SLC16A14: variants seen among roughly 807,000 people sequenced by gnomAD.
SLC16A14 encodes solute carrier family 16 member 14.
A neutral mutation model predicts 35.8 loss-of-function variants in SLC16A14; 14 were observed. The ratio of observed to expected loss-of-function variants is 0.39; its 90% CI spans 0.26 to 0.61. SLC16A14 has a LOEUF of 0.61. Ranked by LOEUF, SLC16A14 falls within the 20% of genes least tolerant of loss-of-function variation. The pLI is 0.51. For missense variants in SLC16A14, 533 were observed against 655.0 expected, an observed-to-expected ratio of 0.81 and a Z score of 2.03; for synonymous variants, 248 against 258.9, an observed-to-expected ratio of 0.96 and a Z score of 0.40.
At chr2:230,056,601 C>T (rs538725972) in intron 2 of SLC16A14, among the ~76,000 whole-genome samples, 164 of 152,012 alleles carry the variant, frequency 1.1e-3, no homozygotes, top group Non-Finnish European at 2.0e-3. Context: ...GGTGGAGTGG[C>T]TCACACCTGT....
rs761004721 is a variant in SLC16A14, at chr2:230,046,692, G to A, written c.434C>T (p.Ala145Val). Residue 145 changes from alanine to valine, a missense_variant, in exon 4 of 5, where the codon GCG becomes GTG. Coordinates refer to ENST00000295190, the MANE Select transcript of SLC16A14 (RefSeq NM_152527.5). This position sits in a 1 kb window ranked among gnomAD's most constrained non-coding sequence, Gnocchi z 5.0. ...GLGSGMAYLP[A>V]VVMVGRYFQK... ...GAAATACCTGCCCACCATGACCACC[G>A]CTGGCAGGTAGGCCATCCCGCTGCC... The A allele has an allele frequency of 1.9e-6, 3 of 1,600,732 alleles. No homozygotes were observed. The South Asian group carries it at 3.3e-5, about 18-fold the overall frequency.
intron 2 of SLC16A14, among the ~76,000 whole-genome samples, chr2:230,051,811 G>A (rs999357240): frequency 1.3e-5 from 2 of 151,984 alleles, no homozygotes; most frequent in African/African-American, 4.8e-5. Context: ...TTGTCTAGTG[G>A]TTTTGTGGGT....
chr2:230,056,455 C>A (rs1488731834), intron 2 of SLC16A14, among the ~76,000 whole-genome samples: 1 of 151,992 alleles, frequency 6.6e-6, no homozygotes, highest in Non-Finnish European at 1.5e-5. Context: ...AGGGTTTCAC[C>A]ATGTTGGCCA....
chr2:230,062,215 G>A (rs190844838), intron 1 of SLC16A14, among the ~76,000 whole-genome samples: 47 of 152,180 alleles, frequency 3.1e-4, no homozygotes, highest in Non-Finnish European at 5.7e-4. Context: ...AAGAAGTCTC[G>A]AATTGTAGAG....
chr2:230,044,704 TTGTG>T (rs751868776), intron 4 of SLC16A14, among the ~76,000 whole-genome samples: 535 of 132,540 alleles, frequency 4.0e-3, no homozygotes, highest in Admixed American at 0.011. Flanking sequence ...AAGTCTGTAT[TTGTG>T]TGTGTGTGTG....
At chr2:230,044,639 C>G (rs72982525) in intron 4 of SLC16A14, among the ~76,000 whole-genome samples, 30,675 of 151,794 alleles carry the variant, frequency 0.2, 3,513 homozygotes, top group Non-Finnish European at 0.25. Flanking sequence ...CAAATTCCCC[C>G]CTAAAGCCTC....
rs2077538512 is a variant in SLC16A14 at position 230,038,930 on chromosome 2, AT to A, written c.1382-1400del. Among the ~76,000 whole-genome samples, 1 of 152,186 alleles carries A rather than the reference AT, an allele frequency of 6.6e-6. No individual in the cohort carries two copies. The highest frequency in any genetic ancestry group is 2.4e-5 in the African/African-American group (1 of 41,448). On this transcript the variant is annotated intron_variant, in intron 4 of 4. Coordinates refer to ENST00000295190, the MANE Select transcript of SLC16A14 (RefSeq NM_152527.5). The surrounding 1 kb of genome is among the most constrained non-coding windows in gnomAD (Gnocchi z 4.4). ...TCAAAAAATAAAATGAAATAAAAAAATAAGATTTTATGATCAAACATAGTAT... is the reference window on the plus strand; with the variant it reads ...TCAAAAAATAAAATGAAATAAAAAAAAAGATTTTATGATCAAACATAGTAT...
chr2:230,046,037 G>A lies in SLC16A14; in HGVS notation c.1089C>T (p.His363=), dbSNP rs752411330. 4 of 1,614,050 alleles carry A rather than the reference G, an allele frequency of 2.5e-6. No individual in the cohort carries two copies. Among genetic ancestry groups the A allele is most frequent in the Non-Finnish European group, 3.4e-6 (4 of 1,179,984 alleles). ...CGCCCAGGATCACTTTTCCAAAGAT[G>A]TGAACTATTGCTATAATTGACGTCA... ...FPLTSIIAIV[H]IFGKVILGVI... is the part of the protein sequence containing the mutation. Residue 363 remains histidine (H), a synonymous_variant, in exon 4 of 5, where the codon CAC becomes CAT. Coordinates refer to ENST00000295190, the MANE Select transcript of SLC16A14 (RefSeq NM_152527.5). This position sits in a 1 kb window ranked among gnomAD's most constrained non-coding sequence, Gnocchi z 5.0.
chr2:230,037,557 A>T, intron 4 of SLC16A14, 26 bp from the exon 5 acceptor site: 1 of 1,542,544 alleles, frequency 6.5e-7, no homozygotes, highest in Middle Eastern at 2.1e-4. Context: ...GAATATATTC[A>T]GTGTCATGGA....
chr2:230,045,981 C>T lies in SLC16A14; in HGVS notation c.1145G>A (p.Trp382Ter). 1 of 1,613,422 alleles carries T rather than the reference C, an allele frequency of 6.2e-7. No homozygotes were observed. The highest frequency in any genetic ancestry group is 1.7e-4 in the Middle Eastern group (1 of 6,060). The change falls in exon 4 of 5, where the codon TGG becomes TAG. Residue 382 changes from tryptophan (W) to a stop codon, truncating the protein, a stop_gained. Transcript: ENST00000295190. LOFTEE classifies it high-confidence loss of function. ...VIADLPCISVWNVFLLANFTL... is the reference protein window; with the variant it reads ...VIADLPCISV ...GAAGTTGGCCAACAGGAAGACATTCCAAACACTAATGCAAGGCAAGTCGGC... is the reference window on the plus strand; with the variant it reads ...GAAGTTGGCCAACAGGAAGACATTCTAAACACTAATGCAAGGCAAGTCGGC...
chr2:230,051,491 T>C (rs377474060), intron 2 of SLC16A14, among the ~76,000 whole-genome samples: 2 of 152,290 alleles, frequency 1.3e-5, no homozygotes, highest in African/African-American at 4.8e-5. Context: ...TCAACCTTCT[T>C]TATTCTCCTC....
chr2:230,043,280 T>C (rs1440010251), intron 4 of SLC16A14, among the ~76,000 whole-genome samples: 1 of 152,248 alleles, frequency 6.6e-6, no homozygotes, highest in Non-Finnish European at 1.5e-5. Flanking sequence ...AAACCTTTAG[T>C]CAGCCAACTG....
intron 4 of SLC16A14, among the ~76,000 whole-genome samples, chr2:230,037,988 G>T (rs191754442): frequency 6.6e-6 from 1 of 152,280 alleles, no homozygotes; most frequent in African/African-American, 2.4e-5. Flanking sequence ...ATCAAAAGAG[G>T]CTGGGCAGAA....
chr2:230,046,498 T>C lies in SLC16A14; in HGVS notation c.628A>G (p.Arg210Gly). ...GGGTTTTTACCAGGAGAGAGGGGCC[T>C]CATGAGCGCCCCACAAACACACAGG... ...LNLCVCGALM[R>G]PLSPGKNPND... Residue 210 changes from arginine to glycine, a missense_variant, in exon 4 of 5, where the codon AGG (arginine) becomes GGG (glycine). By Grantham distance (125) the Arg-to-Gly change is moderately radical. Transcript: ENST00000295190. The surrounding 1 kb of genome is among the most constrained non-coding windows in gnomAD (Gnocchi z 5.0). 1 of 1,614,136 alleles carries C rather than the reference T, an allele frequency of 6.2e-7. No homozygotes were observed. Among genetic ancestry groups the C allele is most frequent in the South Asian group, 1.1e-5 (1 of 91,082 alleles).
chr2:230,042,722 T>C (rs1273984356), intron 4 of SLC16A14, among the ~76,000 whole-genome samples: 1 of 152,194 alleles, frequency 6.6e-6, no homozygotes, highest in African/African-American at 2.4e-5. Flanking sequence ...TCTCCTTTCC[T>C]TCCTCTAGTA....
Position 230,068,029 on chromosome 2 carries a change from CA to C in SLC16A14, c.-15+525del, listed in dbSNP as rs1254409749. The C allele has an allele frequency of 2.2e-4, 33 of 152,520 alleles. No individual in the cohort carries two copies. The highest frequency in any genetic ancestry group is 7.2e-4 in the African/African-American group (30 of 41,578). The allele number at this position is 152,520 out of a possible 1,614,324, so 9.4% of individuals were successfully genotyped here. ...TCGGCGCGTTCGGAAGCCAGCAGCC[CA>C]CCGGGGAAGCTGGGCCGGCTGCAGC... On this transcript the variant is annotated intron_variant, in intron 1 of 4. Transcript: ENST00000295190. This position sits in a 1 kb window ranked among gnomAD's most constrained non-coding sequence, Gnocchi z 5.1.
chr2:230,041,440 C>G (rs546486067), intron 4 of SLC16A14, among the ~76,000 whole-genome samples: 1 of 152,068 alleles, frequency 6.6e-6, no homozygotes, highest in Non-Finnish European at 1.5e-5. Context: ...CTCCGTCTCC[C>G]GGGTTCAAGC....
intron 4 of SLC16A14, 190 bp downstream of exon 4, chr2:230,045,555 G>A (rs771135936): frequency 3.5e-5 from 23 of 662,702 alleles, no homozygotes; most frequent in Non-Finnish European, 5.4e-5. Context: ...GCGAGACTCC[G>A]TCTTGAAAAA....
chr2:230,066,908 T>G (rs10199625), intron 1 of SLC16A14: 220,646 of 234,474 alleles, frequency 0.94, 105,482 homozygotes, highest in Non-Finnish European at 1. Context: ...ATTACAGGCA[T>G]GAGCCACCGC....
Sources: allele counts gnomAD v4.1 joint callset (sites outside exome capture counted in the v4.1 genomes callset), GRCh38; gene constraint gnomAD v4.1.1; non-coding constraint Gnocchi (gnomAD v3.1); transcripts MANE v1.5; gene names NCBI Gene and HGNC (gene_info 2026-07-23, HGNC 2026-07-21).